Variants in EEF1E1 observed in about 807,000 individuals in gnomAD.
The protein encoded by EEF1E1 is eukaryotic translation elongation factor 1 epsilon 1.
Under a neutral mutation model 19.9 loss-of-function variants are expected in EEF1E1, and 19 were observed. The observed-to-expected ratio is 0.95, with a 90% CI of 0.66 to 1.40. The LOEUF (loss-of-function observed/expected upper bound fraction) is 1.40. Ranked by LOEUF, EEF1E1 falls within the 40% of genes most tolerant of loss-of-function variation. The pLI, the probability that EEF1E1 is intolerant of heterozygous loss-of-function variation, is 0.00. For missense variants in EEF1E1, 198 were observed against 202.2 expected (o/e 0.98, Z 0.13); for synonymous variants, 81 against 80.0 (o/e 1.01, Z -0.07).
At position 8,102,466 on chromosome 6, in the gene EEF1E1, C is replaced by T. The variant is rs1487048489; in HGVS notation, c.56G>A (p.Gly19Glu). ...LLEKSLGLSKGNKYSAQGERQ... is the reference protein window; with the variant it reads ...LLEKSLGLSKENKYSAQGERQ... Reference sequence around the variant, plus strand: ...CTCGCCCTGAGCACTGTATTTATTCCCCTTACTCAGTCCCAGGGACTTCTC... The same window carrying T: ...CTCGCCCTGAGCACTGTATTTATTCTCCTTACTCAGTCCCAGGGACTTCTC... The change falls in exon 1 of 4, where the codon GGG becomes GAG. Residue 19 changes from glycine (G) to glutamate (E), a missense_variant. Coordinates refer to ENST00000379715, the MANE Select transcript of EEF1E1 (RefSeq NM_004280.5). 2 of 1,612,700 alleles carry T rather than the reference C, an allele frequency of 1.2e-6. No individual in the cohort carries two copies. Among genetic ancestry groups the T allele is most frequent in the East Asian group, 2.2e-5 (1 of 44,872 alleles).
chr6:8,085,664 T>C (rs1030491034), intron 3 of EEF1E1, among the ~76,000 whole-genome samples: 5 of 152,210 alleles, frequency 3.3e-5, no homozygotes, highest in Non-Finnish European at 5.9e-5. Flanking sequence ...GCCAAGTGTT[T>C]TGGATGAGAA....
At chr6:8,094,572 A>T (rs888018011) in intron 2 of EEF1E1, among the ~76,000 whole-genome samples, 18 of 149,118 alleles carry the variant, frequency 1.2e-4, no homozygotes, top group Non-Finnish European at 1.6e-4. Flanking sequence ...CTCTATTTAA[A>T]AAAAAAAAAA....
chr6:8,079,432 T>C lies in EEF1E1; in HGVS notation c.*458A>G, dbSNP rs1018256278. ...CACATTTACTAGCTCACATAAATAT[T>C]TTAAAACAAATCCATCTGTCTTCCC... On this transcript the variant is annotated 3_prime_UTR_variant, in exon 4 of 4. Transcript: ENST00000379715. 1.0e-6 allele frequency: 1 copy of C among 989,642 alleles called. No homozygotes were observed. The highest frequency in any genetic ancestry group is 1.7e-5 in the African/African-American group (1 of 57,260). The allele number at this position is 989,642 out of a possible 1,614,324, so 61.3% of individuals were successfully genotyped here. A position where few individuals can be genotyped will look rare whatever the true frequency, so the allele number is the denominator to read the frequency against.
chr6:8,084,354 TTTTGCAC>T (rs1757793192), intron 3 of EEF1E1, among the ~76,000 whole-genome samples: 2 of 152,228 alleles, frequency 1.3e-5, no homozygotes, highest in Non-Finnish European at 2.9e-5. Flanking sequence ...GCTATGAATA[TTTTGCAC>T]TATAGGATTA....
At chr6:8,091,031 T>C (rs1033681873) in intron 2 of EEF1E1, among the ~76,000 whole-genome samples, 2 of 152,250 alleles carry the variant, frequency 1.3e-5, no homozygotes, top group Admixed American at 6.5e-5. Context: ...TTGAATTCTT[T>C]TGGGTATATA....
At chr6:8,099,793 A>ACACACACACACAC (rs1554099777) in intron 1 of EEF1E1, among the ~76,000 whole-genome samples, 5 of 117,016 alleles carry the variant, frequency 4.3e-5, no homozygotes, top group Admixed American at 2.4e-4. Flanking sequence ...CACACACACA[A>ACACACACACACAC]AAAAAAAACA....
intron 3 of EEF1E1, 100 bp downstream of exon 3, chr6:8,090,086 G>C: frequency 1.0e-6 from 1 of 1,004,254 alleles, no homozygotes; most frequent in Non-Finnish European, 1.4e-6. Flanking sequence ...ATTTTTATTT[G>C]ATAAGCCAAA....
At chr6:8,076,974 G>A (rs2744010), downstream of EEF1E1, among the ~76,000 whole-genome samples, 109,904 of 145,202 alleles carry the variant, frequency 0.76, 41,707 homozygotes, top group East Asian at 0.92. Context: ...ATGGAGTCTC[G>A]CGCTGTCGCC....
chr6:8,079,808 A>G lies in EEF1E1; in HGVS notation c.*82T>C, dbSNP rs1403266321. 6.9e-7 allele frequency: 1 copy of G among 1,454,468 alleles called. No individual in the cohort carries two copies. Among genetic ancestry groups the G allele is most frequent in the Admixed American group, 2.2e-5 (1 of 45,692 alleles). 90.1% of individuals were successfully genotyped at this position (1,454,468 alleles called of 1,614,324 possible). ...AACAAATAATGAATGACTGTATATT[A>G]ATTTACATTAGTCCTGTGGTCTAGA... is the stretch of plus-strand genomic sequence containing the variant. On this transcript the variant is annotated 3_prime_UTR_variant, in exon 4 of 4. Transcript: ENST00000379715.
At chr6:8,076,975 C>T (rs1286937793), downstream of EEF1E1, among the ~76,000 whole-genome samples, 3 of 97,988 alleles carry the variant, frequency 3.1e-5, no homozygotes, top group African/African-American at 1.1e-4. Context: ...TGGAGTCTCG[C>T]GCTGTCGCCC....
At position 8,090,574 on chromosome 6, in the gene EEF1E1, C is replaced by T. The variant is rs141192768; in HGVS notation, c.289-293G>A. 1.8e-3 allele frequency among the ~76,000 whole-genome samples: 274 copies of T among 152,246 alleles called. 3 individuals are homozygous for T. Among genetic ancestry groups the T allele is most frequent in the African/African-American group, 6.3e-3 (261 of 41,558 alleles). The stretch of plus-strand genomic sequence containing the variant: ...AAGTCTAGCTTTTTGTTTTTGGAAA[C>T]ATTTTGTTACTCATGCTCATTAGTT... On this transcript the variant is annotated intron_variant, in intron 2 of 3. Coordinates refer to ENST00000379715, the MANE Select transcript of EEF1E1 (RefSeq NM_004280.5).
intron 2 of EEF1E1, among the ~76,000 whole-genome samples, chr6:8,096,493 T>G (rs77580292): frequency 0.061 from 9,227 of 152,256 alleles, 382 homozygotes; most frequent in Non-Finnish European, 0.088. Flanking sequence ...TGAGCCATTT[T>G]CCCCAAAGTG....
chr6:8,079,418 G>T lies in EEF1E1; in HGVS notation c.*472C>A. On this transcript the variant is annotated 3_prime_UTR_variant, in exon 4 of 4. Coordinates refer to ENST00000379715, the MANE Select transcript of EEF1E1 (RefSeq NM_004280.5). ...AATATTTTTTCAACCACATTTACTA[G>T]CTCACATAAATATTTTAAAACAAAT... The T allele has an allele frequency of 1.0e-6, 1 of 988,562 alleles. No individual in the cohort carries two copies. The highest frequency in any genetic ancestry group is 1.2e-6 in the Non-Finnish European group (1 of 831,540). 61.2% of individuals were successfully genotyped at this position (988,562 alleles called of 1,614,324 possible). A position where few individuals can be genotyped will look rare whatever the true frequency, so the allele number is the denominator to read the frequency against.
chr6:8,101,940 C>G, intron 1 of EEF1E1: 1 of 1,239,076 alleles, frequency 8.1e-7, no homozygotes. Flanking sequence ...TGTTTGTCCA[C>G]CTGGCCAAAA....
chr6:8,079,325 G>A (rs1316232580), downstream of EEF1E1: 15 of 804,122 alleles, frequency 1.9e-5, no homozygotes, highest in Middle Eastern at 6.3e-4. Flanking sequence ...CCAGTTTCCC[G>A]TAGGGCAGTT....
chr6:8,073,630 A>G (rs565484606), intron 3 of EEF1E1: 20 of 1,216,770 alleles, frequency 1.6e-5, no homozygotes, highest in Non-Finnish European at 2.2e-5. Flanking sequence ...TTTAACAGAT[A>G]TTTTAAAAAG....
At chr6:8,078,728 A>C (rs1214762490), downstream of EEF1E1, 1 of 1,285,880 alleles carries the variant, frequency 7.8e-7, no homozygotes, top group Admixed American at 2.3e-5. Context: ...TAAACAAAAC[A>C]ATCATGATTT....
chr6:8,090,315 T>TA (rs750136727), intron 2 of EEF1E1, 34 bp from the exon 3 acceptor site: 5 of 1,356,636 alleles, frequency 3.7e-6, no homozygotes, highest in Non-Finnish European at 3.9e-6. Flanking sequence ...AATATTAATG[T>TA]AAAAAACAGT....
At chr6:8,082,839 A>G (rs1757755638) in intron 3 of EEF1E1, among the ~76,000 whole-genome samples, 2 of 152,232 alleles carry the variant, frequency 1.3e-5, no homozygotes, top group African/African-American at 4.8e-5. Context: ...GACATTCCCT[A>G]TATAAACTTA....
Sources: allele counts gnomAD v4.1 joint callset (sites outside exome capture counted in the v4.1 genomes callset), GRCh38; gene constraint gnomAD v4.1.1; transcripts MANE v1.5; gene names NCBI Gene and HGNC (gene_info 2026-07-23, HGNC 2026-07-21).